CYP4F3: variants seen among roughly 807,000 people sequenced by gnomAD.
The protein encoded by CYP4F3 is cytochrome P450 family 4 subfamily F member 3.
Under a neutral mutation model 54.8 loss-of-function variants are expected in CYP4F3, and 50 were observed. The ratio of observed to expected loss-of-function variants is 0.91; its 90% CI spans 0.73 to 1.16. The LOEUF (loss-of-function observed/expected upper bound fraction) is 1.16, where lower values mean the gene tolerates loss of function less well. Among genes scored for constraint, CYP4F3 ranks in the 50% most tolerant of loss-of-function variants. The probability of loss-of-function intolerance (pLI) is 0.00; values close to 1 mark genes in which losing one functional copy is unlikely to be tolerated. For synonymous variants in CYP4F3, 244 were observed against 262.6 expected (o/e 0.93, Z 0.69); for missense variants, 715 against 676.2 (o/e 1.06, Z -0.64).
At chr19:15,648,931 G>A (rs1029101546) in intron 5 of CYP4F3, among the ~76,000 whole-genome samples, 2 of 152,218 alleles carry the variant, frequency 1.3e-5, no homozygotes, top group African/African-American at 2.4e-5. Context: ...ACAGAGCACA[G>A]AGGACAGAGC....
chr19:15,649,400 G>A, intron 6 of CYP4F3, 119 bp downstream of exon 6: 1 of 1,507,920 alleles, frequency 6.6e-7, no homozygotes, highest in Non-Finnish European at 9.0e-7. Context: ...TGTTATACCT[G>A]ATCGTTGAAG....
In CYP4F3 at chr19:15,645,800, C is replaced by T; in HGVS notation, c.280C>T (p.Pro94Ser). ...TGATATGTGCTGCTGGTGGGTGGGG[C>T]CCTGGCACGCAATCGTCCGCATCTT... ...FGDMCCWWVG[P>S]WHAIVRIFHP... The change falls in exon 3 of 13, where the codon CCC (proline) becomes TCC (serine). Residue 94 changes from proline to serine, a missense_variant. Transcript: ENST00000221307. The T allele has an allele frequency of 6.2e-7, 1 of 1,614,130 alleles. No individual in the cohort carries two copies. Among genetic ancestry groups the T allele is most frequent in the South Asian group, 1.1e-5 (1 of 91,060 alleles).
chr19:15,644,170 A>T (rs913054664), intron 2 of CYP4F3: 10 of 1,224,550 alleles, frequency 8.2e-6, no homozygotes, highest in Non-Finnish European at 9.7e-6. Flanking sequence ...CTTCTCTCTC[A>T]GCCATCTTCA....
At chr19:15,658,162 A>G (rs1973077631) in intron 9 of CYP4F3, 102 bp from the exon 10 acceptor site, 4 of 1,557,552 alleles carry the variant, frequency 2.6e-6, no homozygotes, top group Non-Finnish European at 3.5e-6. Flanking sequence ...TAAAAAGTTT[A>G]TTTCGTTACA....
intron 3 of CYP4F3, 44 bp from the exon 4 acceptor site, chr19:15,647,008 C>T: frequency 1.2e-6 from 2 of 1,611,302 alleles, no homozygotes; most frequent in African/African-American, 1.3e-5. Context: ...AAAGTTCCTC[C>T]TTCACCTGCC....
rs1448811538 is a variant in CYP4F3 at position 15,649,909 on chromosome 19, G to A, written c.648-4G>A. On this transcript the variant is annotated splice_region_variant and splice_polypyrimidine_tract_variant and intron_variant, in intron 6 of 12. Coordinates refer to ENST00000221307, the MANE Select transcript of CYP4F3 (RefSeq NM_000896.3). ...TTGCCTCCCTTTCTGCCCTTATCCT[G>A]CAGGAAGCCCAGTGAATATATTGCC... 1.9e-6 allele frequency: 3 copies of A among 1,613,072 alleles called. No individual in the cohort carries two copies. The South Asian group carries it at 3.3e-5, about 18-fold the overall frequency.
intron 2 of CYP4F3, among the ~76,000 whole-genome samples, chr19:15,643,460 AG>A (rs1972534653): frequency 2.0e-5 from 3 of 152,028 alleles, no homozygotes; most frequent in African/African-American, 7.2e-5. Context: ...ATAGATAGAC[AG>A]ACAGGCAGAC....
rs536719932 is a variant in CYP4F3, at chr19:15,644,124, G to A, written c.199-1595G>A. 507 of 1,443,198 alleles carry A rather than the reference G, an allele frequency of 3.5e-4. 2 individuals carry two copies. Among genetic ancestry groups the A allele is most frequent in the African/African-American group, 6.7e-4 (46 of 68,504 alleles). The allele number at this position is 1,443,198 out of a possible 1,614,324, so 89.4% of individuals were successfully genotyped here. ...CTGCAAGTCCCTCTATCCCCAAGCC[G>A]TGTGTGGCCCCTGCAGTACTCTGGT... On this transcript the variant is annotated intron_variant, in intron 2 of 12. Coordinates refer to ENST00000221307, the MANE Select transcript of CYP4F3 (RefSeq NM_000896.3).
At position 15,662,765 on chromosome 19, in the gene CYP4F3, G is replaced by A. The variant is rs760819191; in HGVS notation, c.*3380G>A. The A allele has an allele frequency of 6.6e-6, 1 of 152,158 alleles. No homozygotes were observed. Among genetic ancestry groups the A allele is most frequent in the Non-Finnish European group, 1.5e-5 (1 of 68,026 alleles). The allele number at this position is 152,158 out of a possible 1,614,324, so 9.4% of individuals were successfully genotyped here. ...CAGTCTTGCACATATTTTGTTAAAT[G>A]TACAGCTGAGAATTTAATTTTTTCT... On this transcript the variant is annotated 3_prime_UTR_variant, in exon 13 of 13. Transcript: ENST00000221307.
At chr19:15,658,665 T>G in intron 11 of CYP4F3, 62 bp from the exon 12 acceptor site, 1 of 1,610,090 alleles carries the variant, frequency 6.2e-7, no homozygotes, top group Non-Finnish European at 8.5e-7. Flanking sequence ...CACACCACTG[T>G]CTCTCCAAGG....
intron 2 of CYP4F3, among the ~76,000 whole-genome samples, chr19:15,644,362 T>C (rs1190011049): frequency 2.0e-5 from 3 of 152,068 alleles, no homozygotes; most frequent in Admixed American, 2.0e-4. Flanking sequence ...CCCAACTTCA[T>C]GGGGTCAAGA....
chr19:15,652,858 C>T lies in CYP4F3; in HGVS notation c.1021C>T (p.Leu341=), dbSNP rs1972899385. The part of the protein sequence containing the change: ...DTTASGLSWV[L]YHLAKHPEYQ... ...CACAGCCAGTGGTCTCTCCTGGGTC[C>T]TGTACCACCTTGCAAAGCACCCGGA... The change falls in exon 9 of 13, where the codon CTG becomes TTG. Residue 341 remains leucine (L), a synonymous_variant. Coordinates refer to ENST00000221307, the MANE Select transcript of CYP4F3 (RefSeq NM_000896.3). 1 of 1,613,676 alleles carries T rather than the reference C, an allele frequency of 6.2e-7. No individual in the cohort carries two copies. Among genetic ancestry groups the T allele is most frequent in the Non-Finnish European group, 8.5e-7 (1 of 1,179,820 alleles).
intron 1 of CYP4F3, 108 bp from the exon 2 acceptor site, chr19:15,641,307 G>A (rs575184063): frequency 4.3e-6 from 6 of 1,380,288 alleles, no homozygotes; most frequent in African/African-American, 1.4e-5. Context: ...TACTCTTACT[G>A]TTCTATCTCC....
At chr19:15,641,087 T>G (rs1290617) in intron 1 of CYP4F3, 142 bp downstream of exon 1, 109,977 of 298,938 alleles carry the variant, frequency 0.37, 21,324 homozygotes, top group Middle Eastern at 0.45. Flanking sequence ...CAGCTCCTGG[T>G]TGCTGGCTTG....
At position 15,658,365 on chromosome 19, in the gene CYP4F3, T is replaced by C. The variant is rs539855837; in HGVS notation, c.1217T>C (p.Ile406Thr). Residue 406 changes from isoleucine to threonine, a missense_variant, in exon 10 of 13, where the codon ATT (isoleucine) becomes ACT (threonine). Transcript: ENST00000221307. ...PAVSRCCTQD[I>T]VLPDGRVIPK... ...GTCTCTCGCTGCTGCACCCAAGACA[T>C]TGTGCTCCCAGACGGCCGGGTCATC... is the stretch of plus-strand genomic sequence containing the variant. 27 of 1,614,016 alleles carry C rather than the reference T, an allele frequency of 1.7e-5. No homozygotes were observed. The South Asian group carries it at 2.1e-4, about 12-fold the overall frequency.
intron 9 of CYP4F3, among the ~76,000 whole-genome samples, chr19:15,654,969 A>G (rs1386448935): frequency 6.6e-6 from 1 of 152,176 alleles, no homozygotes; most frequent in African/African-American, 2.4e-5. Context: ...CAGTGGCTGC[A>G]CTAATTTATA....
At chr19:15,647,372 G>GA (rs748053313) in intron 5 of CYP4F3, 48 bp downstream of exon 5, 1 of 1,611,678 alleles carries the variant, frequency 6.2e-7, no homozygotes, top group South Asian at 1.1e-5. Context: ...TGGTTGGGGG[G>GA]AACCACAGAC....
chr19:15,643,543 G>A (rs146545263), intron 2 of CYP4F3, among the ~76,000 whole-genome samples: 123 of 152,192 alleles, frequency 8.1e-4, no homozygotes, highest in Admixed American at 1.2e-3. Flanking sequence ...GCTGAGATGC[G>A]TCATGGACTG....
intron 3 of CYP4F3, among the ~76,000 whole-genome samples, chr19:15,646,486 C>T (rs753009320): frequency 6.6e-6 from 1 of 152,142 alleles, no homozygotes; most frequent in Non-Finnish European, 1.5e-5. Context: ...GTTAAAGGTA[C>T]CATATTTATA....
Sources: gnomAD v4.1 joint callset for allele counts (sites outside exome capture counted in the v4.1 genomes callset) on GRCh38, gnomAD v4.1.1 for gene constraint, MANE v1.5 for transcripts, NCBI Gene and HGNC (gene_info 2026-07-23, HGNC 2026-07-21) for gene names.